PHLPP1: variants seen among roughly 807,000 people sequenced by gnomAD.
PHLPP1 encodes the protein PH domain leucine-rich repeat-containing protein phosphatase 1.
A neutral mutation model predicts 117.2 loss-of-function variants in PHLPP1; 42 were observed. The ratio of observed to expected loss-of-function variants is 0.36; its 90% CI spans 0.28 to 0.46. The LOEUF (loss-of-function observed/expected upper bound fraction) is 0.46. Among genes scored for constraint, PHLPP1 ranks in the 20% least tolerant of loss-of-function variants. The pLI, the probability that PHLPP1 is intolerant of heterozygous loss-of-function variation, is 1.00. For missense variants in PHLPP1, 2,084 were observed against 2,241.9 expected, an observed-to-expected ratio of 0.93 and a Z score of 1.42; for synonymous variants, 1,042 against 970.7, an observed-to-expected ratio of 1.07 and a Z score of -1.37.
intron 7 of PHLPP1, among the ~76,000 whole-genome samples, chr18:62,903,831 CAAG>C (rs1424672617): frequency 6.6e-6 from 1 of 151,248 alleles, no homozygotes; most frequent in Admixed American, 6.6e-5. Context: ...GATATATGCA[CAAG>C]AAGGACACCA....
chr18:62,912,623 T>C (rs1916988627), intron 8 of PHLPP1, among the ~76,000 whole-genome samples: 1 of 152,120 alleles, frequency 6.6e-6, no homozygotes, highest in South Asian at 2.1e-4. Context: ...AGTTCTTTTC[T>C]TTTTTTGTTT....
intron 13 of PHLPP1, among the ~76,000 whole-genome samples, chr18:62,962,284 TTTATG>T (rs568386796): frequency 9.2e-5 from 14 of 152,154 alleles, no homozygotes; most frequent in South Asian, 6.2e-4. Context: ...TTTATGTTCT[TTTATG>T]TTATGTTATG....
At chr18:62,883,203 G>C (rs916764369) in intron 4 of PHLPP1, among the ~76,000 whole-genome samples, 2 of 152,120 alleles carry the variant, frequency 1.3e-5, no homozygotes, top group African/African-American at 2.4e-5. Flanking sequence ...TCCCATAAAG[G>C]AAGAGATTGC....
intron 12 of PHLPP1, among the ~76,000 whole-genome samples, chr18:62,946,519 C>T (rs1445531610): frequency 9.2e-5 from 14 of 151,878 alleles, no homozygotes; most frequent in Admixed American, 8.5e-4. Flanking sequence ...CCACCCACCT[C>T]GGCCTCCCAA....
chr18:62,937,991 G>T (rs1418215351), intron 10 of PHLPP1, among the ~76,000 whole-genome samples: 1 of 152,116 alleles, frequency 6.6e-6, no homozygotes, highest in Non-Finnish European at 1.5e-5. Flanking sequence ...CTGGGCAACA[G>T]AGCAAGACTC....
At chr18:62,767,315 C>G (rs967123674) in intron 1 of PHLPP1, among the ~76,000 whole-genome samples, 1 of 152,198 alleles carries the variant, frequency 6.6e-6, no homozygotes, top group African/African-American at 2.4e-5. Context: ...TTGGCCTTCT[C>G]TCAGTTAATG....
chr18:62,833,476 C>T (rs1247749856), intron 2 of PHLPP1, among the ~76,000 whole-genome samples: 1 of 152,146 alleles, frequency 6.6e-6, no homozygotes, highest in African/African-American at 2.4e-5. Context: ...GATATCAATA[C>T]CAGAGTTTCT....
intron 16 of PHLPP1, among the ~76,000 whole-genome samples, chr18:62,977,144 A>T (rs557253403): frequency 1.3e-5 from 2 of 152,312 alleles, no homozygotes; most frequent in Admixed American, 1.3e-4. Flanking sequence ...ACTAATAGGA[A>T]TGCTTACCTG....
At chr18:62,961,482 T>C (rs1251978212) in intron 13 of PHLPP1, among the ~76,000 whole-genome samples, 1 of 151,908 alleles carries the variant, frequency 6.6e-6, no homozygotes. Context: ...GGCTAGGAAA[T>C]GGAATTATTT....
intron 12 of PHLPP1, among the ~76,000 whole-genome samples, chr18:62,947,033 A>G (rs1910313791): frequency 6.6e-6 from 1 of 152,246 alleles, no homozygotes; most frequent in African/African-American, 2.4e-5. Flanking sequence ...AGCCTGGGCA[A>G]CAGAGCGAGA....
At chr18:62,926,984 G>A (rs1434280720) in intron 10 of PHLPP1, among the ~76,000 whole-genome samples, 2 of 152,224 alleles carry the variant, frequency 1.3e-5, no homozygotes, top group African/African-American at 4.8e-5. Context: ...AAAGCTGGTA[G>A]TGGGGCTTTA....
At chr18:62,841,479 C>T (rs187350806) in intron 3 of PHLPP1, among the ~76,000 whole-genome samples, 13 of 151,442 alleles carry the variant, frequency 8.6e-5, no homozygotes, top group Admixed American at 4.0e-4. Flanking sequence ...ACTACAGGCA[C>T]ATGCCACCAT....
chr18:62,928,702 A>G (rs1909720375), intron 10 of PHLPP1, among the ~76,000 whole-genome samples: 1 of 152,238 alleles, frequency 6.6e-6, no homozygotes, highest in African/African-American at 2.4e-5. Flanking sequence ...AAACTTGTAT[A>G]TGAATGTTGA....
At chr18:62,919,166 C>A (rs1053038968) in intron 9 of PHLPP1, among the ~76,000 whole-genome samples, 3 of 152,026 alleles carry the variant, frequency 2.0e-5, no homozygotes, top group Non-Finnish European at 4.4e-5. Flanking sequence ...TTTTCCCCAC[C>A]CCCCAGATGT....
At chr18:62,828,439 C>T (rs746610420) in intron 1 of PHLPP1, among the ~76,000 whole-genome samples, 19 of 152,200 alleles carry the variant, frequency 1.2e-4, no homozygotes, top group Non-Finnish European at 2.4e-4. Flanking sequence ...AGAGCTCTAA[C>T]AGTGTAGCTG....
At chr18:62,770,916 A>G (rs563246975) in intron 1 of PHLPP1, among the ~76,000 whole-genome samples, 6 of 152,262 alleles carry the variant, frequency 3.9e-5, no homozygotes, top group African/African-American at 1.4e-4. Flanking sequence ...ATATACATTG[A>G]ACCTTTAGAA....
intron 1 of PHLPP1, among the ~76,000 whole-genome samples, chr18:62,727,015 G>A (rs1911093332): frequency 6.6e-6 from 1 of 150,444 alleles, no homozygotes. Flanking sequence ...ATCACCTGAG[G>A]CCAGGAATTC....
intron 6 of PHLPP1, among the ~76,000 whole-genome samples, chr18:62,901,259 T>G (rs1916717478): frequency 6.6e-6 from 1 of 152,208 alleles, no homozygotes; most frequent in South Asian, 2.1e-4. Context: ...TGCAGTCTGT[T>G]GTACCCAAGA....
At chr18:62,829,619 G>C (rs1914700706) in intron 1 of PHLPP1, among the ~76,000 whole-genome samples, 1 of 152,136 alleles carries the variant, frequency 6.6e-6, no homozygotes, top group Non-Finnish European at 1.5e-5. Context: ...TCGTGTGGTG[G>C]CCGGCACCTG....
Sources: allele counts gnomAD v4.1 joint callset (sites outside exome capture counted in the v4.1 genomes callset), GRCh38; gene constraint gnomAD v4.1.1; transcripts MANE v1.5; gene names NCBI Gene and HGNC (gene_info 2026-07-23, HGNC 2026-07-21).